KLRG1: variants seen among roughly 807,000 people sequenced by gnomAD.
KLRG1 encodes killer cell lectin like receptor G1.
In KLRG1, 16 loss-of-function variants were observed where a neutral mutation model predicts 21.8. The observed-to-expected ratio is 0.73, with a 90% CI of 0.50 to 1.11. KLRG1 has a LOEUF of 1.11. Among genes scored for constraint, KLRG1 ranks in the 50% most tolerant of loss-of-function variants. KLRG1 has a pLI of 0.00. For synonymous variants in KLRG1, 69 were observed against 75.9 expected (o/e 0.91, Z 0.47); for missense variants, 173 against 218.3 (o/e 0.79, Z 1.31).
Position 9,009,611 on chromosome 12 carries a change from G to T in KLRG1, c.*74G>T. 6.3e-7 allele frequency: 1 copy of T among 1,574,956 alleles called. No individual in the cohort carries two copies. Among genetic ancestry groups the T allele is most frequent in the Non-Finnish European group, 8.6e-7 (1 of 1,161,826 alleles). On this transcript the variant is annotated 3_prime_UTR_variant, in exon 5 of 5. Coordinates refer to ENST00000356986, the MANE Select transcript of KLRG1 (RefSeq NM_005810.4). ...AGGAGGGAGCTGGCCACTGGCTGTT[G>T]GGAAAGCCATGAGTATATAGTTAGC...
chr12:9,176,973 G>C, the KLRG1 span, among the ~76,000 whole-genome samples: 2 of 152,210 alleles, frequency 1.3e-5, no homozygotes, highest in Non-Finnish European at 2.9e-5. Flanking sequence ...ATTTTACAAT[G>C]AGAATCTCAG....
chr12:9,019,568 A>C, the KLRG1 span, among the ~76,000 whole-genome samples: 2 of 152,232 alleles, frequency 1.3e-5, no homozygotes, highest in Non-Finnish European at 2.9e-5. Flanking sequence ...GTACATATAC[A>C]TGAGGGAGTA....
the KLRG1 span, among the ~76,000 whole-genome samples, chr12:9,150,125 T>C: frequency 6.6e-6 from 1 of 152,222 alleles, no homozygotes; most frequent in Non-Finnish European, 1.5e-5. Context: ...TAATAGTCTT[T>C]CCTGTTATGT....
the KLRG1 span, among the ~76,000 whole-genome samples, chr12:9,105,302 G>T: frequency 6.6e-6 from 1 of 152,286 alleles, no homozygotes; most frequent in East Asian, 1.9e-4. Context: ...TCTAGCTAGA[G>T]AGTCTTATGA....
At chr12:9,007,926 A>G (rs575676252) in intron 3 of KLRG1, among the ~76,000 whole-genome samples, 8 of 152,216 alleles carry the variant, frequency 5.3e-5, no homozygotes, top group Non-Finnish European at 1.0e-4. Flanking sequence ...ATTTTAATCT[A>G]TTTTAATCTT....
the KLRG1 span, among the ~76,000 whole-genome samples, chr12:9,076,239 A>C: frequency 6.6e-6 from 1 of 152,224 alleles, no homozygotes; most frequent in African/African-American, 2.4e-5. Context: ...TGTAATAACT[A>C]GTACTTTTAT....
chr12:9,072,585 T>A, the KLRG1 span: 3 of 1,598,508 alleles, frequency 1.9e-6, no homozygotes, highest in South Asian at 1.1e-5. Context: ...GTTTTCTGAG[T>A]TAGGACTTCT....
the KLRG1 span, chr12:9,163,927 T>G: frequency 7.9e-7 from 1 of 1,270,892 alleles, no homozygotes. Flanking sequence ...TAATGTATAC[T>G]AAGTAGCCAA....
chr12:9,111,815 G>C, the KLRG1 span, among the ~76,000 whole-genome samples: 2 of 152,110 alleles, frequency 1.3e-5, no homozygotes, highest in African/African-American at 4.8e-5. Context: ...GATGTGTATA[G>C]AAAAAATCTA....
At chr12:9,071,524 ATTACT>A in the KLRG1 span, among the ~76,000 whole-genome samples, 3 of 152,116 alleles carry the variant, frequency 2.0e-5, no homozygotes, top group Non-Finnish European at 2.9e-5. Flanking sequence ...TGGTGTACAG[ATTACT>A]TTATCACTTG....
chr12:9,196,750 A>G, the KLRG1 span: 1 of 1,380,296 alleles, frequency 7.2e-7, no homozygotes, highest in African/African-American at 1.4e-5. Context: ...TGAATCTACT[A>G]TTCTGTCTCT....
Position 8,995,301 on chromosome 12 carries a change from A to C in KLRG1, c.357+13A>C. 3.8e-6 allele frequency: 6 copies of C among 1,595,174 alleles called. No individual in the cohort carries two copies. The highest frequency in any genetic ancestry group is 5.1e-6 in the Non-Finnish European group (6 of 1,174,228). On this transcript the variant is annotated intron_variant, in intron 3 of 4. Transcript: ENST00000356986. ...CAATCAGGAAATGGTAAATGCAAACATTTAGAAAATGTAGGGTTTTTGTTT... is the reference window on the plus strand; with the variant it reads ...CAATCAGGAAATGGTAAATGCAAACCTTTAGAAAATGTAGGGTTTTTGTTT...
chr12:9,149,070 G>A, the KLRG1 span: 2 of 1,348,450 alleles, frequency 1.5e-6, no homozygotes, highest in Non-Finnish European at 1.1e-6. Flanking sequence ...GCAGCAGAGT[G>A]AGCTTATGCA....
chr12:9,208,338 G>A, the KLRG1 span: 25 of 1,611,668 alleles, frequency 1.6e-5, no homozygotes, highest in Middle Eastern at 6.6e-4. Context: ...CTGTCTTTCC[G>A]CATTGTGAGG....
the KLRG1 span, among the ~76,000 whole-genome samples, chr12:9,108,082 T>A: frequency 6.6e-6 from 1 of 151,982 alleles, no homozygotes; most frequent in Non-Finnish European, 1.5e-5. Context: ...CAGCCATCTC[T>A]ATATCGAGTT....
At chr12:9,210,447 G>C in the KLRG1 span, among the ~76,000 whole-genome samples, 1 of 152,132 alleles carries the variant, frequency 6.6e-6, no homozygotes. Flanking sequence ...TTTACTAAAG[G>C]CTTTAAAATG....
the KLRG1 span, chr12:9,028,246 G>C: frequency 2.0e-6 from 1 of 493,996 alleles, no homozygotes; most frequent in South Asian, 2.4e-5. Context: ...CTGCTTCCCA[G>C]ATTCAAGCGA....
At chr12:9,186,036 G>A in the KLRG1 span, among the ~76,000 whole-genome samples, 1 of 151,904 alleles carries the variant, frequency 6.6e-6, no homozygotes, top group African/African-American at 2.4e-5. Flanking sequence ...TCGATCTCCT[G>A]ACTTCATGAT....
chr12:9,049,499 T>C, the KLRG1 span, among the ~76,000 whole-genome samples: 1 of 152,240 alleles, frequency 6.6e-6, no homozygotes, highest in East Asian at 1.9e-4. Context: ...TCTAAGAAAA[T>C]AAAACTTAAA....
Sources: allele counts gnomAD v4.1 joint callset (sites outside exome capture counted in the v4.1 genomes callset), GRCh38; gene constraint gnomAD v4.1.1; transcripts MANE v1.5; gene names NCBI Gene and HGNC (gene_info 2026-07-23, HGNC 2026-07-21).